Variants in CPLX1 observed in about 807,000 individuals in gnomAD.
CPLX1 encodes the protein complexin-1.
Under a neutral mutation model 15.6 loss-of-function variants are expected in CPLX1, and 6 were observed. The ratio of observed to expected loss-of-function variants is 0.39; its 90% CI spans 0.21 to 0.76. The LOEUF is 0.76. Ranked by LOEUF, CPLX1 falls within the 30% of genes least tolerant of loss-of-function variation. The pLI is 0.43. For synonymous variants in CPLX1, 91 were observed against 75.2 expected, an observed-to-expected ratio of 1.21 and a Z score of -1.08; for missense variants, 242 against 188.6, an observed-to-expected ratio of 1.28 and a Z score of -1.66.
intron 2 of CPLX1, among the ~76,000 whole-genome samples, chr4:822,170 C>G (rs1193748144): frequency 1.3e-5 from 2 of 151,506 alleles, no homozygotes; most frequent in African/African-American, 4.9e-5. Context: ...CTCCGTCTCT[C>G]CCCATCTCTG....
At chr4:787,633 C>T (rs939701718) in intron 3 of CPLX1, 13 of 961,424 alleles carry the variant, frequency 1.4e-5, no homozygotes, top group Admixed American at 1.2e-4. Flanking sequence ...GGCCGCCAGA[C>T]GCAGGAAGGG....
intron 2 of CPLX1, among the ~76,000 whole-genome samples, chr4:821,353 C>T (rs957094094): frequency 6.6e-6 from 1 of 152,164 alleles, no homozygotes; most frequent in East Asian, 1.9e-4. Context: ...GGCTGCCTCC[C>T]ACTCTGCACC....
At chr4:812,075 A>ATATT (rs1230009911) in intron 2 of CPLX1, among the ~76,000 whole-genome samples, 3 of 151,634 alleles carry the variant, frequency 2.0e-5, no homozygotes, top group African/African-American at 4.9e-5. Flanking sequence ...GAGTCTTTAT[A>ATATT]TATTTATTTA....
chr4:810,848 C>T (rs751411695), intron 2 of CPLX1, among the ~76,000 whole-genome samples: 7 of 151,922 alleles, frequency 4.6e-5, no homozygotes, highest in Admixed American at 1.3e-4. Flanking sequence ...AGGTGCCCGC[C>T]ACCACACCTG....
chr4:811,713 G>A (rs1455907111), intron 2 of CPLX1, among the ~76,000 whole-genome samples: 5 of 152,326 alleles, frequency 3.3e-5, no homozygotes, highest in East Asian at 1.9e-4. Flanking sequence ...TGCTCAGAGC[G>A]TCTGTGAACA....
chr4:795,362 G>A (rs910706004), intron 2 of CPLX1, among the ~76,000 whole-genome samples: 4 of 152,142 alleles, frequency 2.6e-5, no homozygotes, highest in Non-Finnish European at 5.9e-5. Context: ...GACACCCCGC[G>A]ACCCCGCCGG....
chr4:824,410 G>A (rs928798933), intron 2 of CPLX1, 82 bp downstream of exon 2: 13 of 1,271,908 alleles, frequency 1.0e-5, no homozygotes, highest in Middle Eastern at 2.0e-4. Context: ...GCGCTGCTGC[G>A]GTGGGCCAGA....
At chr4:794,667 A>G (rs1746281141) in intron 2 of CPLX1, among the ~76,000 whole-genome samples, 1 of 152,110 alleles carries the variant, frequency 6.6e-6, no homozygotes, top group African/African-American at 2.4e-5. Context: ...CCCCCATGAG[A>G]AAAGCTAATT....
intron 2 of CPLX1, among the ~76,000 whole-genome samples, chr4:816,955 G>C (rs748001031): frequency 1.3e-5 from 2 of 150,518 alleles, no homozygotes; most frequent in Non-Finnish European, 2.9e-5. Flanking sequence ...CTTACATCAT[G>C]TTTTCAAAGA....
intron 3 of CPLX1, among the ~76,000 whole-genome samples, chr4:791,174 G>A (rs914708456): frequency 2.0e-5 from 3 of 148,494 alleles, no homozygotes; most frequent in Admixed American, 2.0e-4. Context: ...GGTCAGCTGC[G>A]GGGCGGGGGG....
intron 2 of CPLX1, 30 bp from the exon 3 acceptor site, chr4:792,638 C>T (rs765495551): frequency 1.3e-6 from 2 of 1,595,478 alleles, no homozygotes; most frequent in South Asian, 1.1e-5. Context: ...TTCAGACCGC[C>T]CCATTCAGAT....
chr4:804,626 G>T, intron 2 of CPLX1: 2 of 529,184 alleles, frequency 3.8e-6, no homozygotes, highest in Non-Finnish European at 4.8e-6. Context: ...TATGTAATCC[G>T]GATCGCACCT....
Position 786,530 on chromosome 4 carries a change from C to G in CPLX1, c.376G>C (p.Gly126Arg). The G allele has an allele frequency of 6.2e-7, 1 of 1,602,836 alleles. No homozygotes were observed. The highest frequency in any genetic ancestry group is 8.5e-7 in the Non-Finnish European group (1 of 1,174,816). ...TTCTTGAGCATGTCCTGCAGCGGCC[C>G]GGGCAGGTACTTGATGACGGTGTCC... ...ILDTVIKYLP[G>R]PLQDMLKK The change falls in exon 4 of 4, where the codon GGG (glycine) becomes CGG (arginine). Residue 126 changes from glycine to arginine, a missense_variant. Transcript: ENST00000304062.
At chr4:807,412 C>G (rs749214934) in intron 2 of CPLX1, among the ~76,000 whole-genome samples, 23 of 152,094 alleles carry the variant, frequency 1.5e-4, no homozygotes, top group Non-Finnish European at 2.6e-4. Flanking sequence ...AGCAAACCAT[C>G]ATGGTACACG....
intron 3 of CPLX1, among the ~76,000 whole-genome samples, chr4:791,779 C>T (rs1746183003): frequency 6.6e-6 from 1 of 152,174 alleles, no homozygotes; most frequent in South Asian, 2.1e-4. Context: ...ACCCCAGGCC[C>T]CTTCTACGTG....
intron 3 of CPLX1, among the ~76,000 whole-genome samples, chr4:789,352 T>A (rs959410794): frequency 5.3e-5 from 8 of 152,006 alleles, no homozygotes; most frequent in African/African-American, 1.9e-4. Context: ...CCCTGACACG[T>A]CTGAGGTGAG....
chr4:797,708 C>T (rs1341547244), intron 2 of CPLX1, among the ~76,000 whole-genome samples: 6 of 150,510 alleles, frequency 4.0e-5, no homozygotes, highest in East Asian at 2.0e-4. Context: ...CCAAGACCGG[C>T]GGATCACGAG....
intron 2 of CPLX1, among the ~76,000 whole-genome samples, chr4:817,553 T>C (rs28414030): frequency 0.021 from 3,254 of 151,618 alleles, 105 homozygotes; most frequent in African/African-American, 0.068. Context: ...CGAGACTCTG[T>C]CTCAAAAAGA....
intron 2 of CPLX1, among the ~76,000 whole-genome samples, chr4:793,944 G>GC (rs1460594368): frequency 1.3e-5 from 2 of 152,232 alleles, no homozygotes; most frequent in African/African-American, 2.4e-5. Flanking sequence ...GTCCAGGTGT[G>GC]CCCCCCACCT....
Sources: allele counts gnomAD v4.1 joint callset (sites outside exome capture counted in the v4.1 genomes callset), GRCh38; gene constraint gnomAD v4.1.1; transcripts MANE v1.5; gene names NCBI Gene and HGNC (gene_info 2026-07-23, HGNC 2026-07-21).